The following PCDHGA1 variants were observed in gnomAD, a reference collection of about 807,000 sequenced individuals.
The protein encoded by PCDHGA1 is protocadherin gamma subfamily A, 1.
A neutral mutation model predicts 58.0 loss-of-function variants in PCDHGA1; 32 were observed. The observed-to-expected ratio is 0.55, with a 90% CI of 0.42 to 0.74. PCDHGA1 has a LOEUF of 0.74. Ranked by LOEUF, PCDHGA1 falls within the 30% of genes least tolerant of loss-of-function variation. The pLI, the probability that PCDHGA1 is intolerant of heterozygous loss-of-function variation, is 0.00. For synonymous variants in PCDHGA1, 498 were observed against 501.1 expected, an observed-to-expected ratio of 0.99 and a Z score of 0.08; for missense variants, 1,205 against 1,182.3, an observed-to-expected ratio of 1.02 and a Z score of -0.28.
chr5:141,476,839 G>A lies in PCDHGA1; in HGVS notation c.2422-17968G>A, dbSNP rs372676286. The A allele has an allele frequency of 5.0e-6, 8 of 1,613,490 alleles. No homozygotes were observed. Among genetic ancestry groups the A allele is most frequent in the South Asian group, 1.1e-5 (1 of 91,088 alleles). On this transcript the variant is annotated intron_variant, in intron 1 of 3. Transcript: ENST00000517417. The surrounding 1 kb of genome is among the most constrained non-coding windows in gnomAD (Gnocchi z 7.6). ...AGGTGCTGGACGCGAATGACAATGC[G>A]CCTGTCTTCAACCAGTCCTTGTACC...
chr5:141,370,241 T>C (rs1442707721), intron 1 of PCDHGA1: 3 of 626,086 alleles, frequency 4.8e-6, no homozygotes, highest in Non-Finnish European at 7.8e-6. Flanking sequence ...GGAAGAAAAG[T>C]GCACTCTCTA....
intron 3 of PCDHGA1, chr5:141,507,010 G>A (rs371780810): frequency 1.3e-5 from 2 of 152,324 alleles, no homozygotes; most frequent in East Asian, 1.9e-4. Flanking sequence ...TGAGAGAACC[G>A]AGAAGGCACT....
intron 1 of PCDHGA1, chr5:141,356,772 G>T: frequency 6.2e-7 from 1 of 1,614,022 alleles, no homozygotes; most frequent in Non-Finnish European, 8.5e-7. Context: ...ACTATGAGCA[G>T]TTTAGAGACC....
Position 141,360,331 on chromosome 5 carries a change from C to G in PCDHGA1, c.2421+27226C>G, listed in dbSNP as rs146919505. The G allele has an allele frequency of 1.3e-3, 2,115 of 1,613,952 alleles. 5 individuals are homozygous for G. Among genetic ancestry groups the G allele is most frequent in the Non-Finnish European group, 1.7e-3 (1,954 of 1,179,884 alleles). On this transcript the variant is annotated intron_variant, in intron 1 of 3. Transcript: ENST00000517417. The stretch of plus-strand genomic sequence containing the variant: ...CGTCCGGGACTTGCCAGCCCGGAAG[C>G]TGCGGGTTAGCGCGGAGAAGGAATA...
In PCDHGA1 at chr5:141,335,182, A is replaced by G. The variant is rs1756553626; in HGVS notation, c.2421+2077A>G. 5.9e-5 allele frequency among the ~76,000 whole-genome samples: 9 copies of G among 152,252 alleles called. No homozygotes were observed. The South Asian group carries it at 1.7e-3, about 28-fold the overall frequency. Reference sequence around the variant, plus strand: ...GATAACTAAGTTATCTCACTTCTGGACTTTCTCAGCTCTTATAATCATAAT... The same window carrying G: ...GATAACTAAGTTATCTCACTTCTGGGCTTTCTCAGCTCTTATAATCATAAT... On this transcript the variant is annotated intron_variant, in intron 1 of 3. Transcript: ENST00000517417.
intron 1 of PCDHGA1, chr5:141,351,548 T>A (rs1218357607): frequency 6.2e-7 from 1 of 1,613,836 alleles, no homozygotes; most frequent in Admixed American, 1.7e-5. Context: ...AGCCCTTTCC[T>A]CCAGGACAAG....
In PCDHGA1 at chr5:141,489,483, T is replaced by C. The variant is rs2099687756; in HGVS notation, c.2422-5324T>C. ...GCTATTTTTCCCTGAGCTTGATGAGTGGTGCCCTGGCAGTGAATCAAAAGA... is the reference window on the plus strand; with the variant it reads ...GCTATTTTTCCCTGAGCTTGATGAGCGGTGCCCTGGCAGTGAATCAAAAGA... On this transcript the variant is annotated intron_variant, in intron 1 of 3. Coordinates refer to ENST00000517417, the MANE Select transcript of PCDHGA1 (RefSeq NM_018912.3). This position sits in a 1 kb window ranked among gnomAD's most constrained non-coding sequence, Gnocchi z 4.5. 1 of 1,613,862 alleles carries C rather than the reference T, an allele frequency of 6.2e-7. No individual in the cohort carries two copies. The highest frequency in any genetic ancestry group is 1.1e-5 in the South Asian group (1 of 91,078).
At position 141,356,788 on chromosome 5, in the gene PCDHGA1, C is replaced by A. The variant is rs553457447; in HGVS notation, c.2421+23683C>A. 6 of 1,614,038 alleles carry A rather than the reference C, an allele frequency of 3.7e-6. No individual in the cohort carries two copies. Among genetic ancestry groups the A allele is most frequent in the East Asian group, 4.5e-5 (2 of 44,876 alleles). On this transcript the variant is annotated intron_variant, in intron 1 of 3. Coordinates refer to ENST00000517417, the MANE Select transcript of PCDHGA1 (RefSeq NM_018912.3). ...CTATGAGCAGTTTAGAGACCTGCAG[C>A]TGCTGATGACAGCCAGTGACAGTGG...
rs61612330 is a variant in PCDHGA1, at chr5:141,454,796, A to ATTTTTTTTTTTTTTTTT, written c.2422-39998_2422-39982dup. Among the ~76,000 whole-genome samples the ATTTTTTTTTTTTTTTTT allele has an allele frequency of 1.9e-3, 147 of 77,454 alleles. 11 individuals carry two copies. Among genetic ancestry groups the ATTTTTTTTTTTTTTTTT allele is most frequent in the Middle Eastern group, 0.017 (2 of 120 alleles). 50.8% of individuals were successfully genotyped at this position (77,454 alleles called of 152,430 possible). ...AAGGAAATAATCCTCCATGGTTCTA[A>ATTTTTTTTTTTTTTTTT]TTTTTTTTTTTTTTTTTTTTTTTTT... On this transcript the variant is annotated intron_variant, in intron 1 of 3. Coordinates refer to ENST00000517417, the MANE Select transcript of PCDHGA1 (RefSeq NM_018912.3).
At chr5:141,496,021 G>T (rs1011612662) in intron 2 of PCDHGA1, among the ~76,000 whole-genome samples, 2 of 151,336 alleles carry the variant, frequency 1.3e-5, no homozygotes, top group African/African-American at 4.9e-5. Flanking sequence ...TTTTCTCTGA[G>T]CCTCTGTCTC....
Sources: gnomAD v4.1 joint callset for allele counts (sites outside exome capture counted in the v4.1 genomes callset) on GRCh38, gnomAD v4.1.1 for gene constraint, Gnocchi (gnomAD v3.1) non-coding constraint, MANE v1.5 for transcripts, NCBI Gene and HGNC (gene_info 2026-07-23, HGNC 2026-07-21) for gene names.